Variants in NFIA observed in about 807,000 individuals in gnomAD.
NFIA encodes nuclear factor 1 A-type.
In NFIA, 8 loss-of-function variants were observed where a neutral mutation model predicts 62.8. The observed-to-expected ratio is 0.13, with a 90% CI of 0.07 to 0.23. The LOEUF is 0.23. NFIA is among the 10% of genes least tolerant of loss of function. The pLI is 1.00. For synonymous variants in NFIA, 235 were observed against 238.1 expected (o/e 0.99, Z 0.12); for missense variants, 410 against 642.1 (o/e 0.64, Z 3.91).
chr1:61,217,743 G>A (rs961846981), intron 2 of NFIA, among the ~76,000 whole-genome samples: 6 of 152,174 alleles, frequency 3.9e-5, no homozygotes, highest in South Asian at 4.1e-4. Context: ...TGCAGAATGA[G>A]AATAAACCTC....
At chr1:61,407,795 AC>A (rs1197849456) in intron 9 of NFIA, among the ~76,000 whole-genome samples, 1 of 152,202 alleles carries the variant, frequency 6.6e-6, no homozygotes, top group Non-Finnish European at 1.5e-5. Context: ...AACTTGAACC[AC>A]AGTAATAGGT....
Position 61,193,820 on chromosome 1 carries a change from T to G in NFIA, c.560-83700T>G, listed in dbSNP as rs535596665. The stretch of plus-strand genomic sequence containing the variant: ...CCCAGTATGTCCTTAGTGCCTTTCC[T>G]GGAAATACCAAAAGGCAAACATCCC... On this transcript the variant is annotated intron_variant, in intron 2 of 10. Coordinates refer to ENST00000403491, the MANE Select transcript of NFIA (RefSeq NM_001134673.4). Among the ~76,000 whole-genome samples the G allele has an allele frequency of 9.2e-5, 14 of 152,342 alleles. No individual in the cohort carries two copies. In the South Asian group the frequency reaches 2.7e-3, roughly 29 times the overall value.
intron 3 of NFIA, among the ~76,000 whole-genome samples, chr1:61,288,868 G>C (rs1453231928): frequency 1.3e-5 from 2 of 152,152 alleles, no homozygotes; most frequent in African/African-American, 4.8e-5. Flanking sequence ...CCCAGGCTCA[G>C]GTGATGCTCC....
intron 7 of NFIA, among the ~76,000 whole-genome samples, chr1:61,387,673 G>A (rs942015568): frequency 2.0e-5 from 3 of 152,088 alleles, no homozygotes; most frequent in Non-Finnish European, 4.4e-5. Flanking sequence ...CCAAAGGGAA[G>A]GATCTCTAAC....
intron 2 of NFIA, among the ~76,000 whole-genome samples, chr1:61,241,689 G>GA (rs1324843068): frequency 3.3e-5 from 5 of 151,658 alleles, no homozygotes; most frequent in South Asian, 2.1e-4. Context: ...AAAAAGGAAG[G>GA]AAAAAAACCA....
At chr1:61,189,461 T>G (rs1198433232) in intron 2 of NFIA, among the ~76,000 whole-genome samples, 1 of 151,952 alleles carries the variant, frequency 6.6e-6, no homozygotes, top group Admixed American at 6.6e-5. Context: ...GGTCAGGAGA[T>G]CGAGACTATC....
At chr1:61,330,462 C>T (rs1355712006) in intron 3 of NFIA, among the ~76,000 whole-genome samples, 1 of 130,852 alleles carries the variant, frequency 7.6e-6, no homozygotes, top group Non-Finnish European at 1.6e-5. Flanking sequence ...CACACACACG[C>T]ACACATCTGC....
intron 2 of NFIA, among the ~76,000 whole-genome samples, chr1:61,141,931 G>A (rs1647564913): frequency 6.6e-6 from 1 of 152,150 alleles, no homozygotes; most frequent in South Asian, 2.1e-4. Context: ...GTGATGGTGA[G>A]GTGTTTGCGG....
At chr1:61,117,277 C>T (rs1194213440) in intron 2 of NFIA, among the ~76,000 whole-genome samples, 1 of 152,112 alleles carries the variant, frequency 6.6e-6, no homozygotes, top group Non-Finnish European at 1.5e-5. Flanking sequence ...ATGTGGCTAC[C>T]TTCCATTAAT....
intron 2 of NFIA, among the ~76,000 whole-genome samples, chr1:61,096,493 C>G (rs1469098795): frequency 6.6e-6 from 1 of 151,382 alleles, no homozygotes; most frequent in Non-Finnish European, 1.5e-5. Context: ...CATGAGCCAC[C>G]ACGCCTGGCC....
intron 2 of NFIA, among the ~76,000 whole-genome samples, chr1:61,199,132 G>A (rs1045913289): frequency 1.1e-4 from 17 of 152,286 alleles, no homozygotes; most frequent in African/African-American, 3.8e-4. Flanking sequence ...TGTGGTTCTC[G>A]TGTTTCCAGT....
intron 2 of NFIA, chr1:61,132,892 T>C (rs1342534746): frequency 6.6e-6 from 1 of 152,204 alleles, no homozygotes; most frequent in Non-Finnish European, 1.5e-5. Flanking sequence ...ACTGCGTTAA[T>C]TTCCTGTCGA....
At position 61,312,619 on chromosome 1, in the gene NFIA, C is replaced by A. The variant is rs142283979; in HGVS notation, c.626-19893C>A. ...CCTCAACTTCCCAGGCTCAGGTGATCCTTCTGAGTAGCTGGGACTACAGGT... is the reference window on the plus strand; with the variant it reads ...CCTCAACTTCCCAGGCTCAGGTGATACTTCTGAGTAGCTGGGACTACAGGT... On this transcript the variant is annotated intron_variant, in intron 3 of 10. Coordinates refer to ENST00000403491, the MANE Select transcript of NFIA (RefSeq NM_001134673.4). Among the ~76,000 whole-genome samples the A allele has an allele frequency of 8.2e-4, 124 of 151,968 alleles. 2 individuals carry two copies. The highest frequency in any genetic ancestry group is 2.7e-3 in the African/African-American group (112 of 41,438).
At chr1:61,131,800 T>A (rs956193371) in intron 2 of NFIA, among the ~76,000 whole-genome samples, 25 of 152,170 alleles carry the variant, frequency 1.6e-4, no homozygotes, top group African/African-American at 6.0e-4. Flanking sequence ...TTTTTGCAGA[T>A]CTGGTTGAAT....
chr1:61,327,434 C>G (rs1044325426), intron 3 of NFIA, among the ~76,000 whole-genome samples: 2 of 151,846 alleles, frequency 1.3e-5, no homozygotes, highest in African/African-American at 4.8e-5. Flanking sequence ...TCCTGAGTCT[C>G]TGCGGTCCAT....
At chr1:61,307,411 C>T (rs1659860547) in intron 3 of NFIA, among the ~76,000 whole-genome samples, 2 of 152,104 alleles carry the variant, frequency 1.3e-5, no homozygotes, top group African/African-American at 4.8e-5. Flanking sequence ...ACTTTCTAGC[C>T]CCCAGAAGTG....
intron 2 of NFIA, among the ~76,000 whole-genome samples, chr1:61,093,599 G>A (rs1646360344): frequency 1.3e-5 from 2 of 152,172 alleles, no homozygotes; most frequent in Non-Finnish European, 2.9e-5. Context: ...AGTGTTTTCT[G>A]TGTAACTTGA....
chr1:61,413,120 C>G (rs1018942338), intron 9 of NFIA, among the ~76,000 whole-genome samples: 1 of 151,958 alleles, frequency 6.6e-6, no homozygotes, highest in South Asian at 2.1e-4. Context: ...TTCTCCATGC[C>G]TTCTTCACTA....
chr1:61,450,433 C>G (rs909886260), intron 10 of NFIA, among the ~76,000 whole-genome samples: 2 of 152,230 alleles, frequency 1.3e-5, no homozygotes, highest in East Asian at 3.9e-4. Flanking sequence ...CAAAAATGAC[C>G]CACTGGAGTA....
Sources: allele counts gnomAD v4.1 joint callset (sites outside exome capture counted in the v4.1 genomes callset), GRCh38; gene constraint gnomAD v4.1.1; transcripts MANE v1.5; gene names NCBI Gene and HGNC (gene_info 2026-07-23, HGNC 2026-07-21).